Variants in DISC1 observed in about 807,000 individuals in gnomAD.
DISC1 encodes the protein disrupted in schizophrenia 1 protein.
Under a neutral mutation model 84.5 loss-of-function variants are expected in DISC1, and 57 were observed. The observed-to-expected ratio is 0.67, with a 90% confidence interval of 0.55 to 0.84. DISC1 has a LOEUF of 0.84. Ranked by LOEUF, DISC1 falls within the 40% of genes least tolerant of loss-of-function variation. The pLI is 0.00. For synonymous variants in DISC1, 411 were observed against 415.2 expected, an observed-to-expected ratio of 0.99 and a Z score of 0.12; for missense variants, 1,000 against 1,057.8, an observed-to-expected ratio of 0.95 and a Z score of 0.76.
intron 9 of DISC1, among the ~76,000 whole-genome samples, chr1:231,868,345 C>A (rs1466480327): frequency 6.6e-6 from 1 of 151,998 alleles, no homozygotes; most frequent in African/African-American, 2.4e-5. Flanking sequence ...TATTTTTCAT[C>A]TCTTTCTTTA....
intron 3 of DISC1, among the ~76,000 whole-genome samples, chr1:231,744,620 C>T (rs753709907): frequency 1.3e-5 from 2 of 151,892 alleles, no homozygotes; most frequent in Non-Finnish European, 2.9e-5. Flanking sequence ...TGAGAGACAA[C>T]CAAAACTTGC....
At chr1:231,700,098 C>T (rs190430682) in intron 2 of DISC1, among the ~76,000 whole-genome samples, 50 of 152,304 alleles carry the variant, frequency 3.3e-4, no homozygotes, top group African/African-American at 1.1e-3. Context: ...AACCTCTACC[C>T]TCTACCAGCA....
chr1:231,650,053 C>T (rs1003017999), intron 1 of DISC1, among the ~76,000 whole-genome samples: 4 of 152,040 alleles, frequency 2.6e-5, no homozygotes, highest in Non-Finnish European at 5.9e-5. Flanking sequence ...GGGCATTTAG[C>T]CTATTTAGAT....
chr1:231,981,209 G>T (rs1188347976), intron 10 of DISC1, among the ~76,000 whole-genome samples: 2 of 152,226 alleles, frequency 1.3e-5, no homozygotes, highest in Non-Finnish European at 2.9e-5. Context: ...CTCCCAAAGT[G>T]TTGGGATTAC....
chr1:231,631,581 T>G (rs1469984301), intron 1 of DISC1, among the ~76,000 whole-genome samples: 1 of 152,096 alleles, frequency 6.6e-6, no homozygotes, highest in Non-Finnish European at 1.5e-5. Context: ...CTAGTGTGTG[T>G]GTTTGTGTCT....
intron 7 of DISC1, 104 bp downstream of exon 7, chr1:231,795,400 T>C (rs2078680460): frequency 6.8e-6 from 7 of 1,026,160 alleles, no homozygotes; most frequent in Admixed American, 2.1e-5. Flanking sequence ...CAAAAAAAGA[T>C]GTAGACTTTG....
chr1:231,922,532 C>T (rs1210948263), intron 9 of DISC1, among the ~76,000 whole-genome samples: 1 of 152,162 alleles, frequency 6.6e-6, no homozygotes, highest in African/African-American at 2.4e-5. Flanking sequence ...GGCATTGGGA[C>T]ATCCTGATTC....
At chr1:231,935,985 A>T (rs552995782) in intron 9 of DISC1, among the ~76,000 whole-genome samples, 68 of 152,272 alleles carry the variant, frequency 4.5e-4, no homozygotes, top group African/African-American at 1.6e-3. Flanking sequence ...TCCCAACGTA[A>T]TTAAACTGCA....
intron 3 of DISC1, chr1:231,723,711 C>G (rs2070210975): frequency 3.0e-6 from 3 of 985,336 alleles, no homozygotes; most frequent in African/African-American, 3.5e-5. Context: ...TTCCATTCAT[C>G]TCTCCTTCCC....
intron 1 of DISC1, among the ~76,000 whole-genome samples, chr1:231,642,210 G>A (rs1304305266): frequency 8.5e-5 from 13 of 152,152 alleles, no homozygotes; most frequent in Non-Finnish European, 1.5e-5. Context: ...GTGCGGACCC[G>A]CGGAGCCCAT....
intron 6 of DISC1, among the ~76,000 whole-genome samples, chr1:231,773,537 A>C (rs1573697194): frequency 1.3e-5 from 2 of 152,162 alleles, no homozygotes; most frequent in African/African-American, 4.8e-5. Flanking sequence ...GGCTTGTGCC[A>C]GCACACCCAG....
intron 9 of DISC1, among the ~76,000 whole-genome samples, chr1:231,836,785 C>G (rs764976076): frequency 3.9e-5 from 6 of 152,178 alleles, no homozygotes; most frequent in African/African-American, 1.4e-4. Context: ...CCAGGATGTC[C>G]GCGTGCTCTG....
intron 9 of DISC1, among the ~76,000 whole-genome samples, chr1:231,898,654 G>A (rs2126021322): frequency 6.6e-6 from 1 of 152,284 alleles, no homozygotes; most frequent in East Asian, 1.9e-4. Context: ...TAACTAGGCC[G>A]GGTGTGGTGG....
chr1:231,876,522 C>T (rs2085901638), intron 9 of DISC1, among the ~76,000 whole-genome samples: 1 of 152,202 alleles, frequency 6.6e-6, no homozygotes, highest in African/African-American at 2.4e-5. Context: ...CTTTTAACAT[C>T]TTAAGTTCAT....
chr1:231,745,130 G>A (rs771034951), intron 3 of DISC1, among the ~76,000 whole-genome samples: 1 of 151,948 alleles, frequency 6.6e-6, no homozygotes, highest in Non-Finnish European at 1.5e-5. Context: ...TAATAATTGT[G>A]CATATTTATG....
At chr1:231,858,558 C>T (rs1015382684) in intron 9 of DISC1, among the ~76,000 whole-genome samples, 3 of 152,208 alleles carry the variant, frequency 2.0e-5, no homozygotes, top group African/African-American at 7.2e-5. Context: ...CTCTGTCTCC[C>T]TACTCTTTCT....
chr1:231,986,245 A>G (rs1174638320), intron 10 of DISC1, among the ~76,000 whole-genome samples: 1 of 152,044 alleles, frequency 6.6e-6, no homozygotes, highest in African/African-American at 2.4e-5. Context: ...GGGGATCTCA[A>G]GTTGGGAATG....
intron 1 of DISC1, among the ~76,000 whole-genome samples, chr1:231,639,546 C>T (rs558723323): frequency 2.0e-4 from 30 of 152,316 alleles, no homozygotes; most frequent in African/African-American, 7.2e-4. Flanking sequence ...AACTTGCTTG[C>T]TATTGTTGTG....
chr1:231,756,515 TCGAGAGAG>T lies in DISC1; in HGVS notation c.1268+6440_1268+6447del, dbSNP rs1327164368. ...AGGTTCACAAACGTATATGTGAATA[TCGAGAGAG>T]AGAGAGAGAGAGAGAGAGAGAGAGA... On this transcript the variant is annotated intron_variant, in intron 4 of 12. Transcript: ENST00000439617. Among the ~76,000 whole-genome samples, 7 of 102,478 alleles carry T rather than the reference TCGAGAGAG, an allele frequency of 6.8e-5. No individual in the cohort carries two copies. In the East Asian group the frequency reaches 1.8e-3, roughly 27 times the overall value. 67.2% of individuals were successfully genotyped at this position (102,478 alleles called of 152,430 possible). A position where few individuals can be genotyped will look rare whatever the true frequency, so the allele number is the denominator to read the frequency against.
Sources: allele counts gnomAD v4.1 joint callset (sites outside exome capture counted in the v4.1 genomes callset), GRCh38; gene constraint gnomAD v4.1.1; transcripts MANE v1.5; gene names NCBI Gene and HGNC (gene_info 2026-07-23, HGNC 2026-07-21).